Variants in ATAD5 observed in about 807,000 individuals in gnomAD.
The protein encoded by ATAD5 is ATPase family AAA domain containing 5, also known as ATPase family AAA domain-containing protein 5.
A neutral mutation model predicts 176.9 loss-of-function variants in ATAD5; 58 were observed. The observed-to-expected ratio is 0.33, with a 90% CI of 0.27 to 0.41. ATAD5 has a LOEUF of 0.41. ATAD5 is among the 10% of genes least tolerant of loss of function. The pLI, the probability that ATAD5 is intolerant of heterozygous loss-of-function variation, is 1.00. For missense variants in ATAD5, 1,789 were observed against 2,094.1 expected (o/e 0.85, Z 2.84); for synonymous variants, 640 against 712.6 (o/e 0.90, Z 1.62).
chr17:30,868,331 A>G lies in ATAD5; in HGVS notation c.3234-2A>G. ...TATTTTTATTATGTTTTCTTGTGGC[A>G]GTTGGTTGAAAGACTGGAAAAGAAG... On this transcript the variant is annotated splice_acceptor_variant, in intron 11 of 22. Coordinates refer to ENST00000321990, the MANE Select transcript of ATAD5 (RefSeq NM_024857.5). LOFTEE classifies it high-confidence loss of function. 1 of 1,568,196 alleles carries G rather than the reference A, an allele frequency of 6.4e-7. No individual in the cohort carries two copies. Among genetic ancestry groups the G allele is most frequent in the Non-Finnish European group, 8.6e-7 (1 of 1,162,144 alleles).
chr17:30,894,567 T>C lies in ATAD5; in HGVS notation c.5301T>C (p.Asn1767=). ...AAACAATGCATTACTTTTACAGCAA[T>C]GCTTGGAAGAGGATATCAGTCATTA... is the stretch of plus-strand genomic sequence containing the variant. ...YFSQSAANLD[N]AWKRISVIKS... Residue 1767 remains asparagine, a synonymous_variant, in exon 22 of 23, where the codon AAT becomes AAC. Transcript: ENST00000321990. 4 of 1,595,888 alleles carry C rather than the reference T, an allele frequency of 2.5e-6. No individual in the cohort carries two copies. The highest frequency in any genetic ancestry group is 3.4e-6 in the Non-Finnish European group (4 of 1,174,990).
intron 6 of ATAD5, among the ~76,000 whole-genome samples, chr17:30,849,635 C>G (rs1184582286): frequency 2.6e-5 from 4 of 152,032 alleles, no homozygotes; most frequent in African/African-American, 7.2e-5. Context: ...ACTGACTTGT[C>G]TTTCTTCTTG....
intron 10 of ATAD5, among the ~76,000 whole-genome samples, chr17:30,862,382 C>T (rs1220320648): frequency 1.3e-5 from 2 of 152,008 alleles, no homozygotes; most frequent in African/African-American, 4.8e-5. Flanking sequence ...ATGGTCTTAT[C>T]CCATACATAC....
intron 6 of ATAD5, among the ~76,000 whole-genome samples, chr17:30,845,565 A>G (rs1906446491): frequency 6.6e-6 from 1 of 152,186 alleles, no homozygotes; most frequent in African/African-American, 2.4e-5. Flanking sequence ...GAGCACAGAG[A>G]ACAAGGGTGA....
chr17:30,855,499 C>T (rs531093532), intron 7 of ATAD5, among the ~76,000 whole-genome samples, 172 bp downstream of exon 7: 1 of 151,984 alleles, frequency 6.6e-6, no homozygotes, highest in Admixed American at 6.6e-5. Context: ...ATTCCAGGAC[C>T]CCCTTGTGGA....
Position 30,887,257 on chromosome 17 carries a change from C to G in ATAD5, c.4143C>G (p.Asp1381Glu), listed in dbSNP as rs1168034533. 6.2e-7 allele frequency: 1 copy of G among 1,607,604 alleles called. No homozygotes were observed. Among genetic ancestry groups the G allele is most frequent in the African/African-American group, 1.3e-5 (1 of 74,524 alleles). ...LTENFRTDVK[D>E]FVTLLTANTC... ...AGAATTTTAGAACTGATGTAAAAGA[C>G]TTTGTAACCTTGTTAACTGCAAATA... is the stretch of plus-strand genomic sequence containing the variant. The change falls in exon 19 of 23, where the codon GAC becomes GAG. Residue 1381 changes from aspartate (D) to glutamate (E), a missense_variant. Coordinates refer to ENST00000321990, the MANE Select transcript of ATAD5 (RefSeq NM_024857.5).
intron 3 of ATAD5, among the ~76,000 whole-genome samples, chr17:30,840,374 A>G (rs943372874): frequency 1.3e-5 from 2 of 152,284 alleles, no homozygotes; most frequent in South Asian, 2.1e-4. Context: ...TGCCAAGTCT[A>G]TACTACAGAC....
chr17:30,857,890 C>T (rs191814711), intron 8 of ATAD5, among the ~76,000 whole-genome samples: 2 of 152,098 alleles, frequency 1.3e-5, no homozygotes, highest in Admixed American at 6.6e-5. Context: ...TACAGGCACA[C>T]GCCACCATGC....
Position 30,860,484 on chromosome 17 carries a change from C to T in ATAD5, c.3008C>T (p.Ala1003Val). Reference sequence around the variant, plus strand: ...GAAACCAAAAGGAAACTCGTAGAAGCAGAAAATTCTAAGTCAAAAAGAAAG... The same window carrying T: ...GAAACCAAAAGGAAACTCGTAGAAGTAGAAAATTCTAAGTCAAAAAGAAAG... Reference protein sequence around the residue: ...HKETKRKLVEAENSKSKRKKP... With the variant: ...HKETKRKLVEVENSKSKRKKP... The change falls in exon 10 of 23, where the codon GCA becomes GTA. Residue 1003 changes from alanine to valine, a missense_variant. Physicochemically the swap from Ala to Val is moderately conservative, Grantham distance 64. Coordinates refer to ENST00000321990, the MANE Select transcript of ATAD5 (RefSeq NM_024857.5). The T allele has an allele frequency of 6.3e-7, 1 of 1,598,874 alleles. No individual in the cohort carries two copies. The highest frequency in any genetic ancestry group is 8.5e-7 in the Non-Finnish European group (1 of 1,176,868).
intron 10 of ATAD5, chr17:30,862,887 A>C (rs1276547839): frequency 2.6e-5 from 4 of 152,138 alleles, no homozygotes; most frequent in African/African-American, 9.7e-5. Context: ...ATGGTGCCCT[A>C]AGTGGAAAAT....
chr17:30,877,943 A>G (rs1908769442), intron 16 of ATAD5, 60 bp from the exon 17 acceptor site: 6 of 1,158,580 alleles, frequency 5.2e-6, no homozygotes, highest in Admixed American at 2.0e-5. Context: ...AATATTTACT[A>G]TGTATACATA....
intron 18 of ATAD5, among the ~76,000 whole-genome samples, chr17:30,881,165 G>A (rs958762061): frequency 6.7e-6 from 1 of 150,242 alleles, no homozygotes; most frequent in African/African-American, 2.5e-5. Context: ...GCTCATACTT[G>A]TAATCCCAGC....
chr17:30,837,640 GT>G (rs1483106768), intron 3 of ATAD5, among the ~76,000 whole-genome samples: 83 of 152,182 alleles, frequency 5.5e-4, no homozygotes, highest in African/African-American at 1.8e-3. Flanking sequence ...CATAGACTGA[GT>G]GGCTTAAACA....
chr17:30,895,136 T>C lies in ATAD5; in HGVS notation c.*223T>C. 1 of 356,818 alleles carries C rather than the reference T, an allele frequency of 2.8e-6. No individual in the cohort carries two copies. The highest frequency in any genetic ancestry group is 5.0e-6 in the Non-Finnish European group (1 of 198,836). 22.1% of individuals were successfully genotyped at this position (356,818 alleles called of 1,614,324 possible). A position where few individuals can be genotyped will look rare whatever the true frequency, so the allele number is the denominator to read the frequency against. On this transcript the variant is annotated 3_prime_UTR_variant, in exon 23 of 23. Coordinates refer to ENST00000321990, the MANE Select transcript of ATAD5 (RefSeq NM_024857.5). Reference sequence around the variant, plus strand: ...AATTTTTTGTATTATCTGATTTAGCTTTGTTGGAGTATTTTTTGTATGTGA... The same window carrying C: ...AATTTTTTGTATTATCTGATTTAGCCTTGTTGGAGTATTTTTTGTATGTGA...
At chr17:30,844,278 C>T (rs896162662) in intron 5 of ATAD5, among the ~76,000 whole-genome samples, 6 of 151,936 alleles carry the variant, frequency 3.9e-5, no homozygotes, top group African/African-American at 1.5e-4. Context: ...ACTACAGGCA[C>T]CCACCACCAT....
intron 18 of ATAD5, among the ~76,000 whole-genome samples, chr17:30,881,998 G>A (rs1350816397): frequency 5.3e-5 from 8 of 150,392 alleles, no homozygotes; most frequent in East Asian, 2.0e-4. Context: ...AGTGGCTCAC[G>A]CCTGTAATCC....
intron 6 of ATAD5, among the ~76,000 whole-genome samples, chr17:30,851,829 G>A (rs114256337): frequency 0.027 from 4,067 of 152,224 alleles, 201 homozygotes; most frequent in African/African-American, 0.093. Flanking sequence ...TTATCTGCTC[G>A]CCTCAGCCTT....
Position 30,894,124 on chromosome 17 carries a change from C to T in ATAD5, c.5271C>T (p.Tyr1757=), listed in dbSNP as rs1314632626. 6.4e-7 allele frequency: 1 copy of T among 1,569,568 alleles called. No individual in the cohort carries two copies. The highest frequency in any genetic ancestry group is 8.6e-7 in the Non-Finnish European group (1 of 1,156,288). Residue 1757 remains tyrosine, a synonymous_variant, in exon 21 of 23, where the codon TAC becomes TAT. Transcript: ENST00000321990. ...TTTCACAAAAGCGCAATAATGTATACTTTAGTCAGTCAGCAGCTAATTTAG... is the reference window on the plus strand; with the variant it reads ...TTTCACAAAAGCGCAATAATGTATATTTTAGTCAGTCAGCAGCTAATTTAG... ...FYVSQKRNNV[Y]FSQSAANLDN... is the part of the protein sequence containing the mutation.
Position 30,835,582 on chromosome 17 carries a change from CAAAA to C in ATAD5, c.1502_1505del (p.Gln501ArgfsTer8), listed in dbSNP as rs1179093723. 2.5e-6 allele frequency: 4 copies of C among 1,611,780 alleles called. No individual in the cohort carries two copies. Among genetic ancestry groups the C allele is most frequent in the Non-Finnish European group, 3.4e-6 (4 of 1,178,656 alleles). ...AGGCAAAAACAGAGAGGGAAACACT[CAAAA>C]GAAAGAAACAACCTTTTTCTTAAAA... On this transcript the variant is annotated frameshift_variant, in exon 2 of 23. Transcript: ENST00000321990. LOFTEE classifies it high-confidence loss of function.
Sources: gnomAD v4.1 joint callset for allele counts (sites outside exome capture counted in the v4.1 genomes callset) on GRCh38, gnomAD v4.1.1 for gene constraint, MANE v1.5 for transcripts, NCBI Gene and HGNC (gene_info 2026-07-23, HGNC 2026-07-21) for gene names.